The following OPRM1 variants were observed in gnomAD, a reference collection of about 807,000 sequenced individuals.
The protein encoded by OPRM1 is opioid receptor mu 1, also known as mu-type opioid receptor.
Under a neutral mutation model 31.8 loss-of-function variants are expected in OPRM1, and 27 were observed. The observed-to-expected ratio is 0.85, with a 90% CI of 0.63 to 1.17. The LOEUF (loss-of-function observed/expected upper bound fraction) is 1.17. Among genes scored for constraint, OPRM1 ranks in the 50% most tolerant of loss-of-function variants. OPRM1 has a pLI of 0.00. For missense variants in OPRM1, 536 were observed against 511.1 expected, an observed-to-expected ratio of 1.05 and a Z score of -0.47; for synonymous variants, 196 against 189.9, an observed-to-expected ratio of 1.03 and a Z score of -0.26.
At chr6:154,158,972 T>C (rs751343702) in intron 3 of OPRM1, 2 of 152,174 alleles carry the variant, frequency 1.3e-5, no homozygotes, top group African/African-American at 2.4e-5. Context: ...CTTGTCAATA[T>C]TGATCCTGGG....
chr6:154,069,106 C>T (rs1786090840), intron 1 of OPRM1, among the ~76,000 whole-genome samples: 1 of 152,016 alleles, frequency 6.6e-6, no homozygotes, highest in African/African-American at 2.4e-5. Context: ...GGATATCAGC[C>T]CCTTATCAGC....
chr6:154,064,612 A>C (rs1302913501), intron 1 of OPRM1, among the ~76,000 whole-genome samples: 1 of 152,134 alleles, frequency 6.6e-6, no homozygotes, highest in Non-Finnish European at 1.5e-5. Context: ...TAAGGGTTGT[A>C]TAATTTTAGC....
At chr6:154,011,189 C>A (rs1043117190) in intron 1 of OPRM1, among the ~76,000 whole-genome samples, 4 of 152,074 alleles carry the variant, frequency 2.6e-5, no homozygotes, top group East Asian at 1.9e-4. Context: ...TAGTAGTTAA[C>A]AATTTTGTGG....
At chr6:154,166,792 C>T (rs1799471584) in intron 3 of OPRM1, among the ~76,000 whole-genome samples, 1 of 152,120 alleles carries the variant, frequency 6.6e-6, no homozygotes, top group South Asian at 2.1e-4. Flanking sequence ...AGTAAAATCC[C>T]AACACGCTAT....
At chr6:154,065,291 A>G (rs776212827) in intron 1 of OPRM1, among the ~76,000 whole-genome samples, 1 of 151,940 alleles carries the variant, frequency 6.6e-6, no homozygotes, top group African/African-American at 2.4e-5. Flanking sequence ...CTGGGACTAC[A>G]GCTGTGTGCC....
At chr6:154,202,290 C>T (rs955385521) in intron 3 of OPRM1, among the ~76,000 whole-genome samples, 1 of 152,192 alleles carries the variant, frequency 6.6e-6, no homozygotes, top group Admixed American at 6.5e-5. Flanking sequence ...ACCTTGTAAA[C>T]TGGTTACCTT....
At chr6:154,019,689 G>A (rs1443103281) in intron 1 of OPRM1, among the ~76,000 whole-genome samples, 2 of 150,714 alleles carry the variant, frequency 1.3e-5, no homozygotes, top group Non-Finnish European at 3.0e-5. Context: ...TTAGAAATGT[G>A]AATTTAAGGT....
intron 3 of OPRM1, among the ~76,000 whole-genome samples, chr6:154,185,447 C>T (rs1246597545): frequency 6.6e-6 from 1 of 152,188 alleles, no homozygotes; most frequent in Non-Finnish European, 1.5e-5. Flanking sequence ...ACTGCCATCA[C>T]TTGCCCCCAA....
At chr6:154,090,625 C>T (rs1791882595) in intron 2 of OPRM1, among the ~76,000 whole-genome samples, 1 of 152,162 alleles carries the variant, frequency 6.6e-6, no homozygotes, top group Non-Finnish European at 1.5e-5. Flanking sequence ...CGCCTAGAGA[C>T]TTTGGACAAT....
upstream of OPRM1, among the ~76,000 whole-genome samples, chr6:154,037,775 C>T (rs958283544): frequency 1.3e-5 from 2 of 152,094 alleles, no homozygotes; most frequent in Non-Finnish European, 2.9e-5. Context: ...AGAAGACTGT[C>T]ATCCTGTAGG....
At chr6:154,224,604 G>A (rs1779113249) in intron 3 of OPRM1, among the ~76,000 whole-genome samples, 1 of 152,168 alleles carries the variant, frequency 6.6e-6, no homozygotes, top group Admixed American at 6.5e-5. Flanking sequence ...TCAGCTACTT[G>A]GGAAGCTGAG....
intron 1 of OPRM1, among the ~76,000 whole-genome samples, chr6:154,076,190 C>T (rs1304932706): frequency 1.3e-5 from 2 of 152,090 alleles, no homozygotes; most frequent in Admixed American, 1.3e-4. Flanking sequence ...AAGAAAATTT[C>T]AGAGATCATT....
intron 3 of OPRM1, among the ~76,000 whole-genome samples, chr6:154,109,382 T>TA (rs1368105904): frequency 6.6e-6 from 1 of 152,216 alleles, no homozygotes; most frequent in Non-Finnish European, 1.5e-5. Context: ...ATGATTGACT[T>TA]ACAAAAAGAT....
At chr6:154,199,353 C>T (rs62434774) in intron 3 of OPRM1, among the ~76,000 whole-genome samples, 1 of 152,236 alleles carries the variant, frequency 6.6e-6, no homozygotes, top group Admixed American at 6.5e-5. Flanking sequence ...GGCTCCAGCG[C>T]ATGGGACATG....
intron 3 of OPRM1, chr6:154,108,895 G>C (rs1159098834): frequency 1.5e-5 from 15 of 984,842 alleles, no homozygotes; most frequent in Non-Finnish European, 1.8e-5. Flanking sequence ...GTAGTTACTA[G>C]AGAAAAATTT....
At chr6:154,063,601 C>T (rs988725045) in intron 1 of OPRM1, among the ~76,000 whole-genome samples, 1 of 152,028 alleles carries the variant, frequency 6.6e-6, no homozygotes, top group East Asian at 1.9e-4. Context: ...CTCTAGAACT[C>T]ATTTCATCTT....
chr6:154,234,792 C>T (rs1583867606), intron 3 of OPRM1, among the ~76,000 whole-genome samples: 1 of 152,202 alleles, frequency 6.6e-6, no homozygotes, highest in Non-Finnish European at 1.5e-5. Context: ...TACTAGTGAA[C>T]TTTCAGGTAG....
intron 1 of OPRM1, chr6:154,087,155 T>C (rs1388151074): frequency 1.3e-5 from 13 of 985,234 alleles, no homozygotes; most frequent in Non-Finnish European, 1.4e-5. Flanking sequence ...AGTCTGAAAA[T>C]GTGGAGCTTT....
chr6:154,089,574 A>C (rs1310855534), intron 1 of OPRM1, among the ~76,000 whole-genome samples: 1 of 129,866 alleles, frequency 7.7e-6, no homozygotes, highest in Non-Finnish European at 1.6e-5. Context: ...GTAACAGGGC[A>C]AGATCCTATC....
Sources: allele counts gnomAD v4.1 joint callset (sites outside exome capture counted in the v4.1 genomes callset), GRCh38; gene constraint gnomAD v4.1.1; transcripts MANE v1.5; gene names NCBI Gene and HGNC (gene_info 2026-07-23, HGNC 2026-07-21).